Variants in NUDCD1 observed in about 807,000 individuals in gnomAD.
NUDCD1 encodes the protein nudC domain-containing protein 1.
A neutral mutation model predicts 67.8 loss-of-function variants in NUDCD1; 60 were observed. The observed-to-expected ratio is 0.88, with a 90% CI of 0.72 to 1.10. The LOEUF (loss-of-function observed/expected upper bound fraction) is 1.10. Among genes scored for constraint, NUDCD1 ranks in the 50% least tolerant of loss-of-function variants. The pLI is 0.00. For synonymous variants in NUDCD1, 244 were observed against 230.8 expected, an observed-to-expected ratio of 1.06 and a Z score of -0.52; for missense variants, 643 against 695.0, an observed-to-expected ratio of 0.93 and a Z score of 0.84.
chr8:109,286,176 C>A (rs762430583), intron 5 of NUDCD1, among the ~76,000 whole-genome samples: 4 of 152,112 alleles, frequency 2.6e-5, no homozygotes, highest in South Asian at 2.1e-4. Flanking sequence ...ACTGGAAAGA[C>A]ATTCCAAGCT....
intron 4 of NUDCD1, among the ~76,000 whole-genome samples, chr8:109,290,718 G>A (rs1159558270): frequency 1.3e-5 from 2 of 152,136 alleles, no homozygotes; most frequent in Middle Eastern, 3.4e-3. Context: ...GCTTTAAAAA[G>A]TACTCAAACA....
chr8:109,285,420 C>T (rs1814552373), intron 5 of NUDCD1, among the ~76,000 whole-genome samples: 1 of 152,148 alleles, frequency 6.6e-6, no homozygotes, highest in African/African-American at 2.4e-5. Context: ...CATCAAAATA[C>T]TGGCAAGCTG....
chr8:109,317,753 A>T (rs1815434856), intron 2 of NUDCD1, among the ~76,000 whole-genome samples: 1 of 152,224 alleles, frequency 6.6e-6, no homozygotes, highest in Non-Finnish European at 1.5e-5. Flanking sequence ...ACCCCAAGGC[A>T]TATGCCAGTA....
intron 8 of NUDCD1, among the ~76,000 whole-genome samples, chr8:109,266,392 A>ATTTTTTT (rs71305931): frequency 1.6e-4 from 14 of 87,498 alleles, no homozygotes; most frequent in African/African-American, 2.0e-4. Context: ...TGCCCGGCTA[A>ATTTTTTT]TTTTTTTTTT....
chr8:109,241,630 A>G lies in NUDCD1; in HGVS notation c.*1379T>C, dbSNP rs72682627. 0.015 allele frequency: 2,334 copies of G among 152,640 alleles called. 22 individuals carry two copies. The highest frequency in any genetic ancestry group is 0.023 in the Non-Finnish European group (1,588 of 68,336). The allele number at this position is 152,640 out of a possible 1,614,324, so 9.5% of individuals were successfully genotyped here. On this transcript the variant is annotated 3_prime_UTR_variant, in exon 10 of 10. Transcript: ENST00000239690. The stretch of plus-strand genomic sequence containing the variant: ...TCCTAACTTTCTACCTAGCACCTCA[A>G]TACTCTCTAGGAAACTGCAATCTGA...
chr8:109,331,456 C>T (rs2130161565), intron 1 of NUDCD1, among the ~76,000 whole-genome samples: 1 of 137,720 alleles, frequency 7.3e-6, no homozygotes, highest in East Asian at 2.2e-4. Flanking sequence ...GCAGAGGTTG[C>T]AATGAGACGA....
chr8:109,282,664 C>G (rs1331827285), intron 5 of NUDCD1, among the ~76,000 whole-genome samples: 14 of 147,718 alleles, frequency 9.5e-5, no homozygotes, highest in African/African-American at 3.5e-4. Flanking sequence ...AGGGGAACAT[C>G]ACACACCGGG....
intron 8 of NUDCD1, among the ~76,000 whole-genome samples, chr8:109,270,097 G>T (rs1288744448): frequency 8.4e-6 from 1 of 119,198 alleles, no homozygotes; most frequent in Non-Finnish European, 1.7e-5. Context: ...TTAAGGTGGG[G>T]TGTGAAATAT....
chr8:109,288,243 C>T (rs1250475485), intron 5 of NUDCD1, among the ~76,000 whole-genome samples: 2 of 152,264 alleles, frequency 1.3e-5, no homozygotes, highest in East Asian at 1.9e-4. Flanking sequence ...GTGATTTAAA[C>T]ACATGATGTG....
rs1586266128 is a variant in NUDCD1 at position 109,270,986 on chromosome 8, A to G, written c.1299+19T>C. ...TAACTACTGACAAAATTTTAGAAAT[A>G]TTAATATCAGTAACTTACCACATGA... is the stretch of plus-strand genomic sequence containing the variant. On this transcript the variant is annotated intron_variant, in intron 8 of 9. Coordinates refer to ENST00000239690, the MANE Select transcript of NUDCD1 (RefSeq NM_032869.4). The G allele has an allele frequency of 1.3e-6, 2 of 1,522,270 alleles. No individual in the cohort carries two copies. The highest frequency in any genetic ancestry group is 2.8e-5 in the African/African-American group (2 of 71,712). 94.3% of individuals were successfully genotyped at this position (1,522,270 alleles called of 1,614,324 possible).
At chr8:109,263,031 G>A (rs1346299830) in intron 8 of NUDCD1, among the ~76,000 whole-genome samples, 1 of 130,630 alleles carries the variant, frequency 7.7e-6, no homozygotes, top group African/African-American at 2.9e-5. Context: ...GTCCAGCTCG[G>A]GGGACAGAGT....
intron 2 of NUDCD1, among the ~76,000 whole-genome samples, chr8:109,299,983 C>T (rs1814944604): frequency 6.6e-6 from 1 of 152,106 alleles, no homozygotes; most frequent in South Asian, 2.1e-4. Flanking sequence ...TGCTGGGTGG[C>T]TAGATCCAAA....
intron 5 of NUDCD1, among the ~76,000 whole-genome samples, chr8:109,282,853 A>G (rs1202336920): frequency 6.6e-6 from 1 of 151,988 alleles, no homozygotes; most frequent in Non-Finnish European, 1.5e-5. Context: ...CAAAAAAAAA[A>G]AGAAACCAGT....
At chr8:109,275,542 C>T in intron 6 of NUDCD1, 46 bp from the exon 7 acceptor site, 1 of 1,488,394 alleles carries the variant, frequency 6.7e-7, no homozygotes. Context: ...AGCAATTATA[C>T]AAATTATACA....
At chr8:109,325,502 T>C (rs144474409) in intron 1 of NUDCD1, among the ~76,000 whole-genome samples, 1 of 152,220 alleles carries the variant, frequency 6.6e-6, no homozygotes, top group African/African-American at 2.4e-5. Context: ...AAATAAAAAA[T>C]ACACCTATAT....
intron 2 of NUDCD1, among the ~76,000 whole-genome samples, chr8:109,313,184 A>G (rs1815296988): frequency 6.6e-6 from 1 of 152,180 alleles, no homozygotes; most frequent in African/African-American, 2.4e-5. Flanking sequence ...CCTTACTGCA[A>G]AAGTAACAAA....
intron 6 of NUDCD1, among the ~76,000 whole-genome samples, chr8:109,276,287 G>A (rs1814285610): frequency 6.6e-6 from 1 of 152,116 alleles, no homozygotes; most frequent in Non-Finnish European, 1.5e-5. Context: ...ATGTTCCTCT[G>A]GAATAGGAAG....
At chr8:109,320,826 G>A (rs906519892) in intron 2 of NUDCD1, among the ~76,000 whole-genome samples, 2 of 152,194 alleles carry the variant, frequency 1.3e-5, no homozygotes, top group Non-Finnish European at 2.9e-5. Flanking sequence ...CATGGCTTCA[G>A]CTGGTCCCTC....
intron 1 of NUDCD1, among the ~76,000 whole-genome samples, chr8:109,333,008 C>A (rs1421840718): frequency 1.3e-5 from 2 of 152,214 alleles, no homozygotes; most frequent in Non-Finnish European, 2.9e-5. Context: ...TTCTTCCTAA[C>A]TAGCTAATAG....
Sources: allele counts gnomAD v4.1 joint callset (sites outside exome capture counted in the v4.1 genomes callset), GRCh38; gene constraint gnomAD v4.1.1; transcripts MANE v1.5; gene names NCBI Gene and HGNC (gene_info 2026-07-23, HGNC 2026-07-21).